Variants in RPH3A observed in about 807,000 individuals in gnomAD.
RPH3A encodes the protein rabphilin-3A.
A neutral mutation model predicts 102.2 loss-of-function variants in RPH3A; 48 were observed. The ratio of observed to expected loss-of-function variants is 0.47; its 90% CI spans 0.37 to 0.60. The LOEUF (loss-of-function observed/expected upper bound fraction) is 0.60, where lower values mean the gene tolerates loss of function less well. RPH3A is among the 20% of genes least tolerant of loss of function. The probability of loss-of-function intolerance (pLI) is 0.00; values close to 1 mark genes in which losing one functional copy is unlikely to be tolerated. For synonymous variants in RPH3A, 310 were observed against 324.3 expected (o/e 0.96, Z 0.47); for missense variants, 781 against 910.1 (o/e 0.86, Z 1.83).
chr12:112,699,191 G>C (rs57862962), intron 1 of RPH3A, among the ~76,000 whole-genome samples: 32,022 of 152,156 alleles, frequency 0.21, 3,968 homozygotes, highest in South Asian at 0.36. Flanking sequence ...AAAGTGCTGG[G>C]CTTACAGGCA....
At chr12:112,875,235 C>T (rs2042774866) in intron 11 of RPH3A, 65 bp downstream of exon 11, 9 of 1,271,814 alleles carry the variant, frequency 7.1e-6, no homozygotes, top group Non-Finnish European at 8.7e-6. Flanking sequence ...TCATACCTCC[C>T]ATCCCTGCTT....
chr12:112,725,468 T>C (rs2040581894), intron 1 of RPH3A, among the ~76,000 whole-genome samples: 1 of 152,048 alleles, frequency 6.6e-6, no homozygotes, highest in Admixed American at 6.6e-5. Context: ...TGAGCCATTG[T>C]TGGTTGAGAC....
intron 1 of RPH3A, among the ~76,000 whole-genome samples, chr12:112,731,188 G>GGTGTGT (rs3839972): frequency 6.0e-5 from 9 of 149,852 alleles, no homozygotes; most frequent in East Asian, 3.9e-4. Context: ...TTCATTTGAT[G>GGTGTGT]GTGTGTGTGT....
chr12:112,607,578 T>C (rs2135972277), intron 1 of RPH3A, among the ~76,000 whole-genome samples: 1 of 152,338 alleles, frequency 6.6e-6, no homozygotes, highest in East Asian at 1.9e-4. Flanking sequence ...GAAAGAGAAG[T>C]ACTCAGTTGT....
intron 10 of RPH3A, among the ~76,000 whole-genome samples, chr12:112,872,112 C>G (rs1175064909): frequency 1.3e-5 from 2 of 152,086 alleles, no homozygotes. Flanking sequence ...TTTGAGGAAC[C>G]ACCATTCCGT....
At chr12:112,723,572 C>T (rs952443802) in intron 1 of RPH3A, among the ~76,000 whole-genome samples, 7 of 152,198 alleles carry the variant, frequency 4.6e-5, no homozygotes, top group Admixed American at 2.6e-4. Context: ...TCCAACATCA[C>T]TAATGGCATT....
At chr12:112,699,971 T>TA (rs1343321755) in intron 1 of RPH3A, among the ~76,000 whole-genome samples, 1 of 152,218 alleles carries the variant, frequency 6.6e-6, no homozygotes, top group Non-Finnish European at 1.5e-5. Context: ...AAGAGTTCAA[T>TA]AAATGTTTGT....
intron 1 of RPH3A, among the ~76,000 whole-genome samples, chr12:112,658,143 T>C (rs2040025579): frequency 6.6e-6 from 1 of 152,180 alleles, no homozygotes; most frequent in Non-Finnish European, 1.5e-5. Context: ...GGATCTGATT[T>C]TAAAATCTTA....
intron 4 of RPH3A, among the ~76,000 whole-genome samples, chr12:112,839,645 T>A (rs2042110134): frequency 6.6e-6 from 1 of 152,220 alleles, no homozygotes; most frequent in African/African-American, 2.4e-5. Context: ...CCCTGCATTT[T>A]ATTTCCCACA....
At chr12:112,754,203 C>G (rs1300754909) in intron 1 of RPH3A, among the ~76,000 whole-genome samples, 1 of 152,204 alleles carries the variant, frequency 6.6e-6, no homozygotes, top group Non-Finnish European at 1.5e-5. Context: ...TGTCCACTTA[C>G]TGCTGTGTGA....
At chr12:112,891,083 C>A in intron 19 of RPH3A, 80 bp downstream of exon 19, 2 of 1,525,612 alleles carry the variant, frequency 1.3e-6, no homozygotes, top group Admixed American at 1.8e-5. Context: ...ACAGTTTCAC[C>A]AAGATCGTTG....
intron 1 of RPH3A, among the ~76,000 whole-genome samples, chr12:112,749,523 G>A (rs1181235462): frequency 6.6e-6 from 1 of 152,172 alleles, no homozygotes; most frequent in Non-Finnish European, 1.5e-5. Context: ...CCTTTGAGAA[G>A]GGTCATTTCT....
At chr12:112,609,730 C>T (rs1414230853) in intron 1 of RPH3A, among the ~76,000 whole-genome samples, 1 of 152,144 alleles carries the variant, frequency 6.6e-6, no homozygotes, top group Non-Finnish European at 1.5e-5. Context: ...TACAGACCTG[C>T]CCCCCAAACC....
At chr12:112,789,678 T>A (rs982656240), upstream of RPH3A, among the ~76,000 whole-genome samples, 8 of 151,922 alleles carry the variant, frequency 5.3e-5, no homozygotes, top group Non-Finnish European at 1.0e-4. Flanking sequence ...CAGCCATCAT[T>A]GCCACCACCA....
intron 1 of RPH3A, among the ~76,000 whole-genome samples, chr12:112,589,743 G>T (rs1481822221): frequency 6.6e-6 from 1 of 152,192 alleles, no homozygotes; most frequent in Non-Finnish European, 1.5e-5. Context: ...GACCCTGTCT[G>T]TATCCCTGGT....
chr12:112,657,823 G>A (rs1025486335), intron 1 of RPH3A, among the ~76,000 whole-genome samples: 46 of 152,180 alleles, frequency 3.0e-4, no homozygotes, highest in African/African-American at 1.1e-3. Flanking sequence ...GATGGGTGTT[G>A]TGATTTTAAA....
Position 112,755,296 on chromosome 12 carries a change from TATACACAC to T in RPH3A, c.-139-36845_-139-36838del, listed in dbSNP as rs199620231. 4.0e-3 allele frequency among the ~76,000 whole-genome samples: 379 copies of T among 95,218 alleles called. 9 individuals carry two copies. The South Asian group carries it at 0.083, about 21-fold the overall frequency. The allele number at this position is 95,218 out of a possible 152,430, so 62.5% of individuals were successfully genotyped here. ...AAGTAAAATTGAATATATATATGTA[TATACACAC>T]ACACACACACACACACACACACACA... On this transcript the variant is annotated intron_variant, in intron 1 of 21. Coordinates refer to the RPH3A transcript ENST00000543106.
At chr12:112,606,475 A>G (rs1404979734) in intron 1 of RPH3A, among the ~76,000 whole-genome samples, 1 of 151,954 alleles carries the variant, frequency 6.6e-6, no homozygotes, top group Non-Finnish European at 1.5e-5. Flanking sequence ...TCTGCCTCCC[A>G]GTCTCAAGCA....
chr12:112,631,715 G>A (rs907582984), intron 1 of RPH3A, among the ~76,000 whole-genome samples: 1 of 151,632 alleles, frequency 6.6e-6, no homozygotes, highest in African/African-American at 2.4e-5. Flanking sequence ...GTAGAGATGG[G>A]CTCTCCTCAT....
Sources: gnomAD v4.1 joint callset for allele counts (sites outside exome capture counted in the v4.1 genomes callset) on GRCh38, gnomAD v4.1.1 for gene constraint, MANE v1.5 for transcripts, NCBI Gene and HGNC (gene_info 2026-07-23, HGNC 2026-07-21) for gene names.